BCL2: variants seen among roughly 807,000 people sequenced by gnomAD.
The protein encoded by BCL2 is apoptosis regulator Bcl-2.
Under a neutral mutation model 14.2 loss-of-function variants are expected in BCL2, and 1 was observed. The observed-to-expected ratio is 0.07, with a 90% confidence interval of 0.02 to 0.33. BCL2 has a LOEUF of 0.33. Among genes scored for constraint, BCL2 ranks in the 10% least tolerant of loss-of-function variants. The pLI, the probability that BCL2 is intolerant of heterozygous loss-of-function variation, is 0.99. For missense variants in BCL2, 247 were observed against 305.9 expected (o/e 0.81, Z 1.44); for synonymous variants, 151 against 137.2 (o/e 1.10, Z -0.70).
intron 2 of BCL2, among the ~76,000 whole-genome samples, chr18:63,226,596 G>A (rs982893890): frequency 2.0e-5 from 3 of 152,116 alleles, no homozygotes; most frequent in African/African-American, 7.2e-5. Flanking sequence ...GTACTATCAA[G>A]AGAGAAAAAC....
chr18:63,198,489 CACAG>C (rs1170248336), intron 2 of BCL2, among the ~76,000 whole-genome samples: 4 of 146,320 alleles, frequency 2.7e-5, no homozygotes, highest in Admixed American at 2.0e-4. Context: ...CAGAGACACA[CACAG>C]ACACACATTG....
At chr18:63,297,061 A>G (rs1398177910) in intron 2 of BCL2, among the ~76,000 whole-genome samples, 1 of 151,956 alleles carries the variant, frequency 6.6e-6, no homozygotes, top group Non-Finnish European at 1.5e-5. Context: ...AAATACAAAA[A>G]ATTTAGCTGG....
intron 2 of BCL2, among the ~76,000 whole-genome samples, chr18:63,177,079 T>A (rs1359910572): frequency 6.6e-6 from 1 of 151,950 alleles, no homozygotes; most frequent in African/African-American, 2.4e-5. Context: ...CCCACGCCCA[T>A]GTAATTTTTC....
chr18:63,292,270 T>C (rs1360414907), intron 2 of BCL2, among the ~76,000 whole-genome samples: 1 of 149,130 alleles, frequency 6.7e-6, no homozygotes, highest in Non-Finnish European at 1.5e-5. Flanking sequence ...AAAAGATTCA[T>C]ATGTGCAGGG....
At chr18:63,258,609 T>C (rs904626381) in intron 2 of BCL2, among the ~76,000 whole-genome samples, 2 of 152,220 alleles carry the variant, frequency 1.3e-5, no homozygotes, top group South Asian at 2.1e-4. Context: ...ACTCTGAGGA[T>C]TGATAGCCAC....
chr18:63,281,799 T>G (rs1912329370), intron 2 of BCL2, among the ~76,000 whole-genome samples: 1 of 152,040 alleles, frequency 6.6e-6, no homozygotes, highest in Non-Finnish European at 1.5e-5. Flanking sequence ...TTGTAAGACA[T>G]CTCCACACAC....
At chr18:63,250,897 AC>A (rs538618921) in intron 2 of BCL2, among the ~76,000 whole-genome samples, 184 of 152,292 alleles carry the variant, frequency 1.2e-3, no homozygotes, top group African/African-American at 4.2e-3. Context: ...CTAACATGCA[AC>A]CCAGCTTATG....
intron 2 of BCL2, 199 bp downstream of exon 2, chr18:63,317,883 T>A: frequency 7.0e-7 from 1 of 1,422,910 alleles, no homozygotes; most frequent in Non-Finnish European, 9.2e-7. Context: ...TAAAGACTTT[T>A]AGATGGCAGG....
At chr18:63,143,972 G>A (rs532595823) in intron 2 of BCL2, among the ~76,000 whole-genome samples, 6 of 152,290 alleles carry the variant, frequency 3.9e-5, no homozygotes, top group South Asian at 2.1e-4. Context: ...CTCAGTAAAC[G>A]CTCTTCCAAT....
intron 2 of BCL2, among the ~76,000 whole-genome samples, chr18:63,178,253 G>A (rs568037402): frequency 3.2e-4 from 49 of 152,284 alleles, no homozygotes; most frequent in Admixed American, 2.4e-3. Context: ...GCTGTGGTCC[G>A]CCGCTGAACA....
chr18:63,183,165 C>G (rs1265624804), intron 2 of BCL2, among the ~76,000 whole-genome samples: 1 of 152,166 alleles, frequency 6.6e-6, no homozygotes, highest in Non-Finnish European at 1.5e-5. Flanking sequence ...GTAAGATCAG[C>G]TGGCAGATGA....
chr18:63,138,722 T>C (rs1238206549), intron 2 of BCL2, among the ~76,000 whole-genome samples: 1 of 152,212 alleles, frequency 6.6e-6, no homozygotes, highest in Non-Finnish European at 1.5e-5. Context: ...CTAATCTCCA[T>C]GTCATTTGGA....
chr18:63,140,768 C>T (rs529575770), intron 2 of BCL2, among the ~76,000 whole-genome samples: 98 of 152,256 alleles, frequency 6.4e-4, no homozygotes, highest in African/African-American at 2.1e-3. Flanking sequence ...AAAACCAATG[C>T]GCTGATCACT....
At chr18:63,156,078 C>T (rs1306590196) in intron 2 of BCL2, among the ~76,000 whole-genome samples, 3 of 88,704 alleles carry the variant, frequency 3.4e-5, no homozygotes, top group Middle Eastern at 0.015. Flanking sequence ...ATGAGGCTTG[C>T]TGAGAAGCCA....
At chr18:63,254,800 A>G (rs936829209) in intron 2 of BCL2, among the ~76,000 whole-genome samples, 4 of 152,256 alleles carry the variant, frequency 2.6e-5, no homozygotes, top group Admixed American at 6.5e-5. Flanking sequence ...AATGAAGATC[A>G]TATCTTCAAG....
intron 2 of BCL2, among the ~76,000 whole-genome samples, chr18:63,165,800 G>C (rs188357689): frequency 2.0e-5 from 3 of 152,264 alleles, no homozygotes; most frequent in Admixed American, 6.5e-5. Context: ...TTGCAGGGGA[G>C]GGGGGTGGAA....
chr18:63,153,355 C>T (rs555989893), intron 2 of BCL2, among the ~76,000 whole-genome samples: 1 of 152,202 alleles, frequency 6.6e-6, no homozygotes, highest in Non-Finnish European at 1.5e-5. Flanking sequence ...TCATGACTCC[C>T]TCTCATTCCT....
At position 63,148,114 on chromosome 18, in the gene BCL2, C is replaced by G. The variant is rs1009725; in HGVS notation, c.586-19355G>C. 9.2e-3 allele frequency among the ~76,000 whole-genome samples: 1,395 copies of G among 152,298 alleles called. 24 individuals are homozygous for G. Among genetic ancestry groups the G allele is most frequent in the African/African-American group, 0.032 (1,332 of 41,548 alleles). Reference sequence around the variant, plus strand: ...GTTGAACTGCGCTTCCCCGCTCCCCCCCATTTCAGATAACTCAAAACTGGT... The same window carrying G: ...GTTGAACTGCGCTTCCCCGCTCCCCGCCATTTCAGATAACTCAAAACTGGT... On this transcript the variant is annotated intron_variant, in intron 2 of 2. Coordinates refer to ENST00000333681, the MANE Select transcript of BCL2 (RefSeq NM_000633.3).
intron 2 of BCL2, among the ~76,000 whole-genome samples, chr18:63,205,739 C>T (rs1037715862): frequency 3.3e-5 from 5 of 152,108 alleles, no homozygotes; most frequent in African/African-American, 1.2e-4. Context: ...ATAAGTAACA[C>T]ATTTGACTAC....
Sources: allele counts gnomAD v4.1 joint callset (sites outside exome capture counted in the v4.1 genomes callset), GRCh38; gene constraint gnomAD v4.1.1; transcripts MANE v1.5; gene names NCBI Gene and HGNC (gene_info 2026-07-23, HGNC 2026-07-21).